Variants in UNC79 observed in about 807,000 individuals in gnomAD.
UNC79 encodes unc-79 subunit of NALCN channel complex.
Under a neutral mutation model 283.1 loss-of-function variants are expected in UNC79, and 37 were observed. The ratio of observed to expected loss-of-function variants is 0.13; its 90% CI spans 0.10 to 0.17. UNC79 has a LOEUF of 0.17. UNC79 is among the 10% of genes least tolerant of loss of function. UNC79 has a pLI of 1.00. For missense variants in UNC79, 2,272 were observed against 3,211.1 expected, an observed-to-expected ratio of 0.71 and a Z score of 7.07; for synonymous variants, 1,107 against 1,200.2, an observed-to-expected ratio of 0.92 and a Z score of 1.61.
At position 93,688,979 on chromosome 14, in the gene UNC79, G is replaced by T. The variant is rs993223507; in HGVS notation, c.7085+139G>T. ...TACTTGGTTAGGAAGATGGAAATCA[G>T]ATCCCATCTCCTTACGTACTTGCTG... On this transcript the variant is annotated intron_variant, in intron 44 of 48. Transcript: ENST00000555664. This position sits in a 1 kb window ranked among gnomAD's most constrained non-coding sequence, Gnocchi z 4.0. 4.3e-6 allele frequency: 4 copies of T among 932,068 alleles called. No homozygotes were observed. Among genetic ancestry groups the T allele is most frequent in the Non-Finnish European group, 4.5e-6 (3 of 668,344 alleles). The allele number at this position is 932,068 out of a possible 1,614,324, so 57.7% of individuals were successfully genotyped here. A position where few individuals can be genotyped will look rare whatever the true frequency, so the allele number is the denominator to read the frequency against.
At chr14:93,535,324 A>G (rs1358812219) in intron 11 of UNC79, among the ~76,000 whole-genome samples, 1 of 152,196 alleles carries the variant, frequency 6.6e-6, no homozygotes. Context: ...ACTGAAGATT[A>G]TTTTTGGGGA....
intron 2 of UNC79, among the ~76,000 whole-genome samples, chr14:93,470,501 A>G (rs1566805): frequency 0.55 from 83,541 of 151,952 alleles, 23,268 homozygotes; most frequent in Admixed American, 0.64. Flanking sequence ...GGTGAGTCCT[A>G]CATGTTATTT....
rs1286409838 is a variant in UNC79, at chr14:93,590,601, T to A, written c.3033-3079T>A. ...CTGTTAGTGCCATGGGACTACCCAC[T>A]CGGCCTTTAGGGTCCATAGCCCAGG... On this transcript the variant is annotated intron_variant, in intron 22 of 48. Coordinates refer to ENST00000555664, the Ensembl canonical transcript of UNC79. Among the ~76,000 whole-genome samples, 4 of 152,164 alleles carry A rather than the reference T, an allele frequency of 2.6e-5. No individual in the cohort carries two copies. In the East Asian group the frequency reaches 7.7e-4, roughly 29 times the overall value.
chr14:93,631,567 C>T (rs1427963434), intron 31 of UNC79, among the ~76,000 whole-genome samples: 1 of 152,274 alleles, frequency 6.6e-6, no homozygotes, highest in African/African-American at 2.4e-5. Context: ...ATGAGACAGT[C>T]TTACCAAGAA....
Position 93,706,662 on chromosome 14 carries a change from G to A in UNC79, c.7591-42G>A, listed in dbSNP as rs574388699. 166 of 1,609,030 alleles carry A rather than the reference G, an allele frequency of 1.0e-4. 1 individual carries two copies. The South Asian group carries it at 1.6e-3, about 16-fold the overall frequency. On this transcript the variant is annotated intron_variant, in intron 48 of 48. Transcript: ENST00000555664. ...CGGGTCGACACTCCCTGGGTTGCCCGTGAAAAGAAATAAACTAAAACCTCT... is the reference window on the plus strand; with the variant it reads ...CGGGTCGACACTCCCTGGGTTGCCCATGAAAAGAAATAAACTAAAACCTCT...
At chr14:93,485,960 A>G (rs1308594657) in intron 4 of UNC79, among the ~76,000 whole-genome samples, 1 of 152,170 alleles carries the variant, frequency 6.6e-6, no homozygotes, top group Admixed American at 6.5e-5. Context: ...GATTTATTGT[A>G]TGACAAATTT....
At chr14:93,653,630 T>C in intron 35 of UNC79, 112 bp from the exon 39 acceptor site, 1 of 887,250 alleles carries the variant, frequency 1.1e-6, no homozygotes, top group Admixed American at 2.2e-5. Flanking sequence ...AACATGACAG[T>C]GAGCTATCCC....
At chr14:93,333,350 A>G in exon 1 of UNC79, 1 of 398,606 alleles carries the variant, frequency 2.5e-6, no homozygotes, top group South Asian at 1.3e-4. Flanking sequence ...TGTCACTACT[A>G]CGTCACCAGA....
chr14:93,536,310 C>G (rs1567068703), intron 11 of UNC79, among the ~76,000 whole-genome samples: 1 of 152,062 alleles, frequency 6.6e-6, no homozygotes, highest in Non-Finnish European at 1.5e-5. Context: ...CTTAGAAATT[C>G]TGAAAGTCAC....
At chr14:93,393,481 G>A (rs1160032757) in intron 1 of UNC79, among the ~76,000 whole-genome samples, 11 of 152,066 alleles carry the variant, frequency 7.2e-5, no homozygotes, top group Admixed American at 6.5e-4. Context: ...TGAGCCAAAT[G>A]ACATAGGCTT....
At chr14:93,343,195 G>A (rs1372807165) in intron 1 of UNC79, among the ~76,000 whole-genome samples, 1 of 152,170 alleles carries the variant, frequency 6.6e-6, no homozygotes, top group African/African-American at 2.4e-5. Context: ...TTTTTACACT[G>A]CTATAAAGAA....
At chr14:93,642,100 G>C (rs2069093051) in intron 33 of UNC79, among the ~76,000 whole-genome samples, 1 of 152,070 alleles carries the variant, frequency 6.6e-6, no homozygotes, top group Admixed American at 6.6e-5. Flanking sequence ...AGCAGCATGA[G>C]AACAGACTAA....
At chr14:93,497,077 C>G in intron 6 of UNC79, 80 bp from the exon 7 acceptor site, 1 of 1,492,226 alleles carries the variant, frequency 6.7e-7, no homozygotes, top group Non-Finnish European at 9.0e-7. Flanking sequence ...AGAATTTTCA[C>G]TGCTTTGGTA....
chr14:93,371,052 C>T (rs939173767), intron 1 of UNC79, among the ~76,000 whole-genome samples: 2 of 152,228 alleles, frequency 1.3e-5, no homozygotes, highest in South Asian at 4.1e-4. Flanking sequence ...GTATGCTCCA[C>T]CTCCTGCCAA....
intron 30 of UNC79, 124 bp downstream of exon 32, chr14:93,622,965 A>G: frequency 7.8e-7 from 1 of 1,287,182 alleles, no homozygotes; most frequent in South Asian, 1.5e-5. Context: ...TGACATTATA[A>G]TGGCTTCTCA....
rs1455221716 is a variant in UNC79 at position 93,337,600 on chromosome 14, G to C, written c.-351+4077G>C. On this transcript the variant is annotated intron_variant, in intron 1 of 49. Coordinates refer to the UNC79 transcript ENST00000256339. ...TCACATGATAGGAAGCAGTGGCAGGGCTGGGCCAGCCCAGGAGCTGCAGCC... is the reference window on the plus strand; with the variant it reads ...TCACATGATAGGAAGCAGTGGCAGGCCTGGGCCAGCCCAGGAGCTGCAGCC... Among the ~76,000 whole-genome samples the C allele has an allele frequency of 3.3e-5, 5 of 152,232 alleles. No individual in the cohort carries two copies. The East Asian group carries it at 9.6e-4, about 29-fold the overall frequency.
chr14:93,502,665 C>T lies in UNC79; in HGVS notation c.898+5379C>T, dbSNP rs1595672538. Among the ~76,000 whole-genome samples, 7 of 152,292 alleles carry T rather than the reference C, an allele frequency of 4.6e-5. No individual in the cohort carries two copies. In the South Asian group the frequency reaches 1.5e-3, roughly 32 times the overall value. On this transcript the variant is annotated intron_variant, in intron 7 of 48. Coordinates refer to ENST00000555664, the Ensembl canonical transcript of UNC79. ...TTTAGCCTTTGTTAGTAAGGAACAG[C>T]AGCAGTTATTGTTCAGTTTCCATTT...
chr14:93,479,544 C>T (rs183921044), intron 4 of UNC79, among the ~76,000 whole-genome samples: 67 of 151,896 alleles, frequency 4.4e-4, no homozygotes, highest in Admixed American at 2.4e-3. Flanking sequence ...GTGATCCACC[C>T]GCCTCAGCCT....
At chr14:93,574,501 G>A (rs1303525861) in intron 16 of UNC79, among the ~76,000 whole-genome samples, 1 of 152,214 alleles carries the variant, frequency 6.6e-6, no homozygotes, top group Non-Finnish European at 1.5e-5. Flanking sequence ...GATAGGATTA[G>A]ATAATTAAAC....
Sources: gnomAD v4.1 joint callset for allele counts (sites outside exome capture counted in the v4.1 genomes callset) on GRCh38, gnomAD v4.1.1 for gene constraint, Gnocchi (gnomAD v3.1) non-coding constraint, MANE v1.5 for transcripts, NCBI Gene and HGNC (gene_info 2026-07-23, HGNC 2026-07-21) for gene names.